KCNMB2: variants seen among roughly 807,000 people sequenced by gnomAD.
KCNMB2 encodes calcium-activated potassium channel subunit beta-2.
In KCNMB2, 9 loss-of-function variants were observed where a neutral mutation model predicts 24.5. The observed-to-expected ratio is 0.37, with a 90% CI of 0.22 to 0.64. The LOEUF is 0.64. KCNMB2 is among the 30% of genes least tolerant of loss of function. The pLI, the probability that KCNMB2 is intolerant of heterozygous loss-of-function variation, is 0.63. For missense variants in KCNMB2, 226 were observed against 284.3 expected (o/e 0.79, Z 1.47); for synonymous variants, 109 against 104.4 (o/e 1.04, Z -0.27).
In KCNMB2 at chr3:178,638,698, C is replaced by T. The variant is rs191720162; in HGVS notation, c.-68+101987C>T. ...ATATGTATTGAGGTTGAAGTCTCATCAGAGGAGACAGATATGAAAGAAATT... is the reference window on the plus strand; with the variant it reads ...ATATGTATTGAGGTTGAAGTCTCATTAGAGGAGACAGATATGAAAGAAATT... On this transcript the variant is annotated intron_variant, in intron 1 of 4. Transcript: ENST00000452583. 5.0e-4 allele frequency among the ~76,000 whole-genome samples: 76 copies of T among 152,264 alleles called. 1 individual carries two copies. Among genetic ancestry groups the T allele is most frequent in the African/African-American group, 1.7e-3 (72 of 41,550 alleles).
chr3:178,618,313 C>T (rs994848706), intron 1 of KCNMB2, among the ~76,000 whole-genome samples: 7 of 152,120 alleles, frequency 4.6e-5, no homozygotes, highest in Non-Finnish European at 4.4e-5. Flanking sequence ...GCATTATTTA[C>T]GGCTCACAGT....
At chr3:178,703,488 G>C (rs898849183) in intron 1 of KCNMB2, among the ~76,000 whole-genome samples, 1 of 149,522 alleles carries the variant, frequency 6.7e-6, no homozygotes, top group African/African-American at 2.5e-5. Context: ...GGAGACCCTG[G>C]TAAGTCCCAT....
chr3:178,748,705 A>G (rs536639255), intron 1 of KCNMB2, among the ~76,000 whole-genome samples: 2 of 152,344 alleles, frequency 1.3e-5, no homozygotes, highest in Admixed American at 6.5e-5. Context: ...GTTCACAAAT[A>G]GAAGCTAGCT....
intron 1 of KCNMB2, among the ~76,000 whole-genome samples, chr3:178,696,441 T>TCTA: frequency 6.6e-6 from 1 of 152,234 alleles, no homozygotes; most frequent in South Asian, 2.1e-4. Context: ...TGACTGGTAA[T>TCTA]ATCCGCCTTG....
intron 1 of KCNMB2, among the ~76,000 whole-genome samples, chr3:178,717,608 T>A (rs1302895990): frequency 6.6e-6 from 1 of 152,168 alleles, no homozygotes; most frequent in Non-Finnish European, 1.5e-5. Flanking sequence ...AACTGACTCC[T>A]GGAATTGAAA....
At chr3:178,773,446 C>T (rs566283353) in intron 1 of KCNMB2, among the ~76,000 whole-genome samples, 29 of 152,100 alleles carry the variant, frequency 1.9e-4, no homozygotes, top group African/African-American at 7.0e-4. Context: ...GAATCTGGGT[C>T]CAAAATAATC....
intron 1 of KCNMB2, among the ~76,000 whole-genome samples, chr3:178,573,871 A>G (rs1001895455): frequency 6.6e-6 from 1 of 152,096 alleles, no homozygotes; most frequent in African/African-American, 2.4e-5. Context: ...AATGTAAGGC[A>G]TTCACTCAAA....
rs183243181 is a variant in KCNMB2 at position 178,623,414 on chromosome 3, G to A, written c.-68+86703G>A. Among the ~76,000 whole-genome samples the A allele has an allele frequency of 3.9e-5, 6 of 152,268 alleles. No homozygotes were observed. In the East Asian group the frequency reaches 1.2e-3, roughly 29 times the overall value. On this transcript the variant is annotated intron_variant, in intron 1 of 4. Coordinates refer to ENST00000452583, the MANE Select transcript of KCNMB2 (RefSeq NM_181361.3). ...GTTATAGTGTCTCTACCCACACCCA[G>A]ATATACGGCAGGGAGAAATCATCAA...
At position 178,681,228 on chromosome 3, in the gene KCNMB2, C is replaced by T. The variant is rs142394925; in HGVS notation, c.-67-126115C>T. ...TCATCTCACACTTACTAATTAGAGT[C>T]ACTGAAACCTGGAGCTGCAGTTTTC... On this transcript the variant is annotated intron_variant, in intron 1 of 4. Transcript: ENST00000452583. Among the ~76,000 whole-genome samples the T allele has an allele frequency of 4.9e-3, 748 of 151,742 alleles. 4 individuals carry two copies. Among genetic ancestry groups the T allele is most frequent in the African/African-American group, 0.017 (705 of 41,232 alleles).
chr3:178,812,538 A>G (rs997371790), intron 2 of KCNMB2, among the ~76,000 whole-genome samples: 1 of 151,780 alleles, frequency 6.6e-6, no homozygotes, highest in African/African-American at 2.4e-5. Flanking sequence ...ACACTTTGAA[A>G]TCCCGTCCTA....
chr3:178,538,275 C>G (rs1715474381), intron 1 of KCNMB2, among the ~76,000 whole-genome samples: 1 of 152,190 alleles, frequency 6.6e-6, no homozygotes, highest in African/African-American at 2.4e-5. Flanking sequence ...GTATGGAATT[C>G]TTGGTGCATT....
rs570976625 is a variant in KCNMB2, at chr3:178,536,560, T to G, written c.-219T>G. The G allele has an allele frequency of 6.6e-6, 1 of 152,278 alleles. No individual in the cohort carries two copies. Among genetic ancestry groups the G allele is most frequent in the Non-Finnish European group, 1.5e-5 (1 of 68,022 alleles). The allele number at this position is 152,278 out of a possible 1,614,324, so 9.4% of individuals were successfully genotyped here. A position where few individuals can be genotyped will look rare whatever the true frequency, so the allele number is the denominator to read the frequency against. On this transcript the variant is annotated 5_prime_UTR_variant, in exon 1 of 5. It removes an upstream start codon present in the reference 5' UTR. Transcript: ENST00000452583. ...TTTTGAGCAGGGAGTATTAAAGCTA[T>G]GAGTTAGAAAGGGTTGTGACATTAA...
chr3:178,730,532 C>A (rs1723115367), intron 1 of KCNMB2, among the ~76,000 whole-genome samples: 1 of 151,812 alleles, frequency 6.6e-6, no homozygotes, highest in South Asian at 2.1e-4. Context: ...CACATAACAT[C>A]CAGAGTGCTT....
intron 1 of KCNMB2, among the ~76,000 whole-genome samples, chr3:178,776,581 A>G (rs1409218082): frequency 6.6e-6 from 1 of 152,140 alleles, no homozygotes; most frequent in Non-Finnish European, 1.5e-5. Flanking sequence ...GGACACCATC[A>G]CCTTTCAAGA....
intron 1 of KCNMB2, among the ~76,000 whole-genome samples, chr3:178,642,774 T>G (rs2108550397): frequency 6.6e-6 from 1 of 152,366 alleles, no homozygotes; most frequent in Non-Finnish European, 1.5e-5. Flanking sequence ...CATGGCAGCA[T>G]GCAAATGCAG....
At chr3:178,712,236 G>A (rs557365316) in intron 1 of KCNMB2, among the ~76,000 whole-genome samples, 19 of 152,140 alleles carry the variant, frequency 1.2e-4, no homozygotes, top group African/African-American at 3.9e-4. Context: ...AACCACCTAC[G>A]TGCCATAATC....
At chr3:178,655,698 C>A (rs1170818134) in intron 1 of KCNMB2, among the ~76,000 whole-genome samples, 1 of 152,176 alleles carries the variant, frequency 6.6e-6, no homozygotes, top group East Asian at 1.9e-4. Context: ...TTTTCAGAGG[C>A]CAGGAACGCC....
intron 1 of KCNMB2, among the ~76,000 whole-genome samples, chr3:178,688,399 A>G (rs1560167273): frequency 6.6e-6 from 1 of 152,186 alleles, no homozygotes; most frequent in Non-Finnish European, 1.5e-5. Flanking sequence ...TCTAAATTAA[A>G]TGGGGACACA....
intron 1 of KCNMB2, among the ~76,000 whole-genome samples, chr3:178,797,894 G>A (rs1278657392): frequency 6.6e-6 from 1 of 152,038 alleles, no homozygotes; most frequent in African/African-American, 2.4e-5. Context: ...TCACTTTGTA[G>A]CAAGTGTGAA....
Sources: allele counts gnomAD v4.1 joint callset (sites outside exome capture counted in the v4.1 genomes callset), GRCh38; gene constraint gnomAD v4.1.1; transcripts MANE v1.5; gene names NCBI Gene and HGNC (gene_info 2026-07-23, HGNC 2026-07-21).